The following PALS2 variants were observed in gnomAD, a reference collection of about 807,000 sequenced individuals.
The protein encoded by PALS2 is protein associated with LIN7 2, MAGUK p55 family member, also known as protein PALS2.
A neutral mutation model predicts 61.6 loss-of-function variants in PALS2; 27 were observed. The observed-to-expected ratio is 0.44, with a 90% CI of 0.32 to 0.60. PALS2 has a LOEUF of 0.60. PALS2 is among the 20% of genes least tolerant of loss of function. The probability of loss-of-function intolerance (pLI) is 0.05; values close to 1 mark genes in which losing one functional copy is unlikely to be tolerated. For missense variants in PALS2, 554 were observed against 639.4 expected, an observed-to-expected ratio of 0.87 and a Z score of 1.44; for synonymous variants, 236 against 218.6, an observed-to-expected ratio of 1.08 and a Z score of -0.70.
intron 11 of PALS2, among the ~76,000 whole-genome samples, chr7:24,685,817 C>A (rs1459636021): frequency 6.6e-6 from 1 of 152,066 alleles, no homozygotes; most frequent in African/African-American, 2.4e-5. Context: ...TCCTTCAGGC[C>A]TGGCAGTGAA....
intron 1 of PALS2, among the ~76,000 whole-genome samples, chr7:24,587,227 A>C (rs959748219): frequency 1.3e-5 from 2 of 152,214 alleles, no homozygotes; most frequent in South Asian, 4.2e-4. Context: ...TGGAAGGACG[A>C]AGGACGTTAA....
At chr7:24,678,783 A>G (rs1787760827) in intron 9 of PALS2, among the ~76,000 whole-genome samples, 1 of 152,188 alleles carries the variant, frequency 6.6e-6, no homozygotes. Flanking sequence ...ATTTTTGGAT[A>G]CAAATTTTAT....
At chr7:24,655,049 T>C (rs1016491903) in intron 5 of PALS2, among the ~76,000 whole-genome samples, 4 of 152,308 alleles carry the variant, frequency 2.6e-5, no homozygotes, top group Middle Eastern at 3.4e-3. Flanking sequence ...TATAAAGATA[T>C]ATTGAAAATC....
chr7:24,598,450 A>C (rs1486691795), intron 1 of PALS2, among the ~76,000 whole-genome samples: 1 of 152,200 alleles, frequency 6.6e-6, no homozygotes, highest in African/African-American at 2.4e-5. Flanking sequence ...GCAGTGAGGA[A>C]AACATATTAA....
Position 24,607,588 on chromosome 7 carries a change from CAT to C in PALS2, c.-2-16073_-2-16072del, listed in dbSNP as rs1317567240. Among the ~76,000 whole-genome samples, 107 of 81,288 alleles carry C rather than the reference CAT, an allele frequency of 1.3e-3. 1 individual carries two copies. The highest frequency in any genetic ancestry group is 7.4e-3 in the African/African-American group (93 of 12,636). 53.3% of individuals were successfully genotyped at this position (81,288 alleles called of 152,430 possible). A position where few individuals can be genotyped will look rare whatever the true frequency, so the allele number is the denominator to read the frequency against. On this transcript the variant is annotated intron_variant, in intron 1 of 11. Coordinates refer to ENST00000222644, the MANE Select transcript of PALS2 (RefSeq NM_001303037.2). ...ATATACATATATGTGTGTATATATA[CAT>C]ATATGTGTGTGTATATATACATATA...
At position 24,687,739 on chromosome 7, in the gene PALS2, T is replaced by C; in HGVS notation, c.*125T>C. ...GCTAAGTCCAGGCATTTTTATGGTG[T>C]AGATTGAAATAATAGTACACTTCTG... is the stretch of plus-strand genomic sequence containing the variant. On this transcript the variant is annotated 3_prime_UTR_variant, in exon 12 of 12. Coordinates refer to ENST00000222644, the MANE Select transcript of PALS2 (RefSeq NM_001303037.2). The surrounding 1 kb of genome is among the most constrained non-coding windows in gnomAD (Gnocchi z 4.5). The C allele has an allele frequency of 6.7e-6, 6 of 896,044 alleles. No homozygotes were observed. The highest frequency in any genetic ancestry group is 9.6e-6 in the Non-Finnish European group (6 of 622,114). The allele number at this position is 896,044 out of a possible 1,614,324, so 55.5% of individuals were successfully genotyped here. A position where few individuals can be genotyped will look rare whatever the true frequency, so the allele number is the denominator to read the frequency against.
At chr7:24,640,024 G>A (rs897399390) in intron 2 of PALS2, among the ~76,000 whole-genome samples, 3 of 151,442 alleles carry the variant, frequency 2.0e-5, no homozygotes, top group Admixed American at 6.6e-5. Flanking sequence ...ACCATGTTGG[G>A]CAGGCTGGTC....
At chr7:24,641,007 CAAAAAAA>C (rs35912373) in intron 2 of PALS2, among the ~76,000 whole-genome samples, 2 of 67,106 alleles carry the variant, frequency 3.0e-5, no homozygotes, top group African/African-American at 5.7e-5. Context: ...GACTCCATCT[CAAAAAAA>C]AAAAAAAAAA....
chr7:24,685,513 A>G (rs1222541532), intron 11 of PALS2, among the ~76,000 whole-genome samples: 1 of 152,158 alleles, frequency 6.6e-6, no homozygotes, highest in Non-Finnish European at 1.5e-5. Flanking sequence ...CATTTTATAC[A>G]TAAATCATAC....
intron 2 of PALS2, among the ~76,000 whole-genome samples, chr7:24,634,048 C>T (rs1311302703): frequency 1.3e-5 from 2 of 152,040 alleles, no homozygotes; most frequent in African/African-American, 4.8e-5. Context: ...TGTTTAGATT[C>T]TTTGCCCATG....
intron 9 of PALS2, chr7:24,674,366 C>T (rs1787455537): frequency 6.5e-6 from 1 of 153,304 alleles, no homozygotes; most frequent in East Asian, 1.9e-4. Context: ...CATGTTAGCT[C>T]TTAATATGTT....
intron 1 of PALS2, among the ~76,000 whole-genome samples, chr7:24,593,027 CT>C (rs1054745157): frequency 1.3e-5 from 2 of 152,076 alleles, no homozygotes; most frequent in Non-Finnish European, 2.9e-5. Flanking sequence ...AACATTTTAT[CT>C]ATAGTAGAAC....
At chr7:24,639,446 A>G (rs1474527408) in intron 2 of PALS2, among the ~76,000 whole-genome samples, 1 of 151,888 alleles carries the variant, frequency 6.6e-6, no homozygotes, top group Non-Finnish European at 1.5e-5. Flanking sequence ...CTTAGAATAT[A>G]GTATCCAACG....
chr7:24,610,009 A>G (rs796780336), intron 1 of PALS2, among the ~76,000 whole-genome samples: 10 of 152,208 alleles, frequency 6.6e-5, no homozygotes, highest in African/African-American at 2.4e-4. Flanking sequence ...AGTTTTTTCC[A>G]CTAGGATACT....
chr7:24,606,872 C>T (rs1184472949), intron 1 of PALS2, among the ~76,000 whole-genome samples: 3 of 152,094 alleles, frequency 2.0e-5, no homozygotes, highest in Non-Finnish European at 2.9e-5. Flanking sequence ...GGGGAGAGGA[C>T]CCAAGTCTAA....
chr7:24,649,228 A>G (rs1391199474), intron 3 of PALS2, among the ~76,000 whole-genome samples: 1 of 152,110 alleles, frequency 6.6e-6, no homozygotes. Context: ...TTGAATTTTT[A>G]TGGTATTTTA....
intron 1 of PALS2, among the ~76,000 whole-genome samples, chr7:24,619,443 C>A (rs2721784): frequency 0.16 from 23,937 of 151,894 alleles, 1,927 homozygotes; most frequent in Non-Finnish European, 0.18. Context: ...TATGGCTGGG[C>A]GCGGTAGCTC....
chr7:24,575,785 C>G (rs564458678), intron 1 of PALS2, among the ~76,000 whole-genome samples: 18 of 152,044 alleles, frequency 1.2e-4, no homozygotes, highest in African/African-American at 4.1e-4. Context: ...AAAAAAACAG[C>G]CAGAAAATAA....
intron 1 of PALS2, among the ~76,000 whole-genome samples, chr7:24,623,444 C>T (rs1784607416): frequency 6.6e-6 from 1 of 151,878 alleles, no homozygotes; most frequent in Non-Finnish European, 1.5e-5. Context: ...CTGATAAAGT[C>T]CAAATTACAT....
Sources: allele counts gnomAD v4.1 joint callset (sites outside exome capture counted in the v4.1 genomes callset), GRCh38; gene constraint gnomAD v4.1.1; non-coding constraint Gnocchi (gnomAD v3.1); transcripts MANE v1.5; gene names NCBI Gene and HGNC (gene_info 2026-07-23, HGNC 2026-07-21).